SRRM1: variants seen among roughly 807,000 people sequenced by gnomAD.
SRRM1 encodes the protein serine and arginine repetitive matrix 1, also known as serine/arginine repetitive matrix protein 1.
In SRRM1, 19 loss-of-function variants were observed where a neutral mutation model predicts 110.2. That is an observed-to-expected ratio of 0.17 (90% CI 0.12 to 0.25). The LOEUF (loss-of-function observed/expected upper bound fraction) is 0.25, where lower values mean the gene tolerates loss of function less well. Ranked by LOEUF, SRRM1 falls within the 10% of genes least tolerant of loss-of-function variation. The pLI, the probability that SRRM1 is intolerant of heterozygous loss-of-function variation, is 1.00. For missense variants in SRRM1, 918 were observed against 1,145.8 expected, an observed-to-expected ratio of 0.80 and a Z score of 2.87; for synonymous variants, 443 against 414.9, an observed-to-expected ratio of 1.07 and a Z score of -0.82.
Position 24,646,725 on chromosome 1 carries a change from C to T in SRRM1, c.170C>T (p.Thr57Met). Residue 57 changes from threonine to methionine, a missense_variant, in exon 3 of 17, where the codon ACG becomes ATG. By Grantham distance (81) the Thr-to-Met change is moderately conservative. This residue lies in a region of SRRM1 where 38 missense variants were observed against 144.5 expected (regional missense o/e 0.26). Coordinates refer to ENST00000323848, the MANE Select transcript of SRRM1 (RefSeq NM_005839.4). Reference protein sequence around the residue: ...VIKPWITKRVTEILGFEDDVV... With the variant: ...VIKPWITKRVMEILGFEDDVV... ...AAGCCTTGGATAACAAAAAGAGTAA[C>T]GGAAATCCTTGGGTTTGAAGATGAT... 1.2e-6 allele frequency: 2 copies of T among 1,607,724 alleles called. No individual in the cohort carries two copies. Among genetic ancestry groups the T allele is most frequent in the Non-Finnish European group, 1.7e-6 (2 of 1,177,546 alleles).
At position 24,652,052 on chromosome 1, in the gene SRRM1, A is replaced by G. The variant is rs939624315; in HGVS notation, c.726-382A>G. Among the ~76,000 whole-genome samples, 48 of 132,362 alleles carry G rather than the reference A, an allele frequency of 3.6e-4. 1 individual carries two copies. Among genetic ancestry groups the G allele is most frequent in the African/African-American group, 1.4e-3 (48 of 35,266 alleles). The allele number at this position is 132,362 out of a possible 152,430, so 86.8% of individuals were successfully genotyped here. A position where few individuals can be genotyped will look rare whatever the true frequency, so the allele number is the denominator to read the frequency against. On this transcript the variant is annotated intron_variant, in intron 6 of 16. Transcript: ENST00000323848. ...AAAATATATATATATATATATATATATATATATATATGTACACACACACAC... is the reference window on the plus strand; with the variant it reads ...AAAATATATATATATATATATATATGTATATATATATGTACACACACACAC...
chr1:24,646,116 T>A (rs1305360167), intron 2 of SRRM1, 43 bp downstream of exon 2: 1 of 1,433,210 alleles, frequency 7.0e-7, no homozygotes, highest in Non-Finnish European at 9.8e-7. Flanking sequence ...TATAGCACAC[T>A]TACTTGACTC....
At position 24,661,377 on chromosome 1, in the gene SRRM1, A is replaced by G. The variant is rs761546402; in HGVS notation, c.1464A>G (p.Gln488=). 53 of 1,613,152 alleles carry G rather than the reference A, an allele frequency of 3.3e-5. No homozygotes were observed. The Middle Eastern group carries it at 8.2e-4, about 25-fold the overall frequency. ...SVQQRRQYRR[Q]NQQSSSDSGS... ...AGCAGAGACGCCAATACAGACGACA[A>G]AACCAGCAGTCTTCATCTGGTATGG... Residue 488 remains glutamine, a synonymous_variant, in exon 11 of 17, where the codon CAA becomes CAG. Coordinates refer to ENST00000323848, the MANE Select transcript of SRRM1 (RefSeq NM_005839.4).
chr1:24,669,075 T>G lies in SRRM1; in HGVS notation c.1740-48T>G, dbSNP rs142362558. 4.6e-6 allele frequency: 7 copies of G among 1,514,304 alleles called. No individual in the cohort carries two copies. In the East Asian group the frequency reaches 9.1e-5, roughly 20 times the overall value. The allele number at this position is 1,514,304 out of a possible 1,614,324, so 93.8% of individuals were successfully genotyped here. A position where few individuals can be genotyped will look rare whatever the true frequency, so the allele number is the denominator to read the frequency against. The stretch of plus-strand genomic sequence containing the variant: ...CCTACTGATTACTTTTCATCCTGTT[T>G]CTGTATTTTGTTGAGCCTTTCAGCT... On this transcript the variant is annotated intron_variant, in intron 13 of 16. Coordinates refer to ENST00000323848, the MANE Select transcript of SRRM1 (RefSeq NM_005839.4).
In SRRM1 at chr1:24,646,604, C is replaced by CT. The variant is rs766800193; in HGVS notation, c.112-62dup. 9.5e-4 allele frequency: 1,383 copies of CT among 1,452,954 alleles called. 22 individuals carry two copies. The Admixed American group carries it at 0.026, about 27-fold the overall frequency. 90.0% of individuals were successfully genotyped at this position (1,452,954 alleles called of 1,614,324 possible). ...AAAAGGAACTTTGGTAGACAGAACT[C>CT]TAACTTGAGCATTTTTTTTTAGGAT... On this transcript the variant is annotated intron_variant, in intron 2 of 16. Coordinates refer to ENST00000323848, the MANE Select transcript of SRRM1 (RefSeq NM_005839.4).
intron 3 of SRRM1, chr1:24,647,730 G>GTT (rs1337174767): frequency 2.0e-5 from 3 of 152,598 alleles, no homozygotes; most frequent in Non-Finnish European, 4.4e-5. Context: ...ATAATTTGGT[G>GTT]TTTGTATTTT....
chr1:24,666,912 C>T lies in SRRM1; in HGVS notation c.1726C>T (p.Pro576Ser). Residue 576 changes from proline (P) to serine (S), a missense_variant, in exon 13 of 17, where the codon CCA becomes TCA. By Grantham distance (74) the Pro-to-Ser change is moderately conservative (BLOSUM62 -1). Around this residue, in one of 5 missense-constraint regions of SRRM1, gnomAD observed 357 missense variants for 402.9 expected, o/e 0.89. Transcript: ENST00000323848. Reference sequence around the variant, plus strand: ...TCGACGGCGCAGGACTCCCACACCACCACCACGACGAAGGTACTTTGTCAA... The same window carrying T: ...TCGACGGCGCAGGACTCCCACACCATCACCACGACGAAGGTACTTTGTCAA... Reference protein sequence around the residue: ...PPRRRRTPTPPPRRRTPSPPP... With the variant: ...PPRRRRTPTPSPRRRTPSPPP... 1.9e-6 allele frequency: 3 copies of T among 1,605,704 alleles called. No individual in the cohort carries two copies. The highest frequency in any genetic ancestry group is 2.5e-6 in the Non-Finnish European group (3 of 1,177,246).
Position 24,653,028 on chromosome 1 carries a change from A to G in SRRM1, c.1036A>G (p.Arg346Gly), listed in dbSNP as rs1409963663. 4 of 1,610,982 alleles carry G rather than the reference A, an allele frequency of 2.5e-6. No individual in the cohort carries two copies. The highest frequency in any genetic ancestry group is 3.4e-6 in the Non-Finnish European group (4 of 1,178,894). Residue 346 changes from arginine to glycine, a missense_variant, in exon 8 of 17, where the codon AGA becomes GGA. Physicochemically the swap from Arg to Gly is moderately radical, Grantham distance 125 (BLOSUM62 -2). Transcript: ENST00000323848. ...PRHRRSRSPV[R>G]RRRRSSASLS... is the part of the protein sequence containing the mutation. ...GCATAGAAGGAGTAGATCTCCAGTA[A>G]GACGGTAAGATTTTTTAAATTTGGA...
chr1:24,652,458 T>G lies in SRRM1; in HGVS notation c.750T>G (p.Pro250=), dbSNP rs1418750610. The change falls in exon 7 of 17, where the codon CCT becomes CCG. Residue 250 remains proline (P), a synonymous_variant. Coordinates refer to ENST00000323848, the MANE Select transcript of SRRM1 (RefSeq NM_005839.4). ...STSDILKVPK[P]EPIPEPKEPS... is the part of the protein sequence containing the mutation. ...GTGACATTCTGAAAGTTCCCAAACCTGAACCTATACCAGAGCCTAAAGAAC... is the reference window on the plus strand; with the variant it reads ...GTGACATTCTGAAAGTTCCCAAACCGGAACCTATACCAGAGCCTAAAGAAC... The G allele has an allele frequency of 6.3e-7, 1 of 1,576,036 alleles. No homozygotes were observed. Among genetic ancestry groups the G allele is most frequent in the Non-Finnish European group, 8.6e-7 (1 of 1,163,410 alleles).
intron 3 of SRRM1, 110 bp downstream of exon 3, chr1:24,646,899 G>A (rs1204459244): frequency 1.1e-6 from 1 of 883,386 alleles, no homozygotes; most frequent in Non-Finnish European, 1.6e-6. Flanking sequence ...ATTTTACAAT[G>A]TTTGTTGTGA....
In SRRM1 at chr1:24,646,076, ATTC is replaced by A. The variant is rs770290755; in HGVS notation, c.111+8_111+10del. On this transcript the variant is annotated splice_donor_5th_base_variant and intron_variant, in intron 2 of 16. Coordinates refer to ENST00000323848, the MANE Select transcript of SRRM1 (RefSeq NM_005839.4). ...TTGCAGAATGCCTAGAAAAAAAGGT[ATTC>A]TTCTGGATGAGACTGTTGTGCATCT... 4.4e-6 allele frequency: 7 copies of A among 1,606,926 alleles called. No individual in the cohort carries two copies. The East Asian group carries it at 8.9e-5, about 20-fold the overall frequency.
At chr1:24,670,034 C>A in intron 14 of SRRM1, 86 bp from the exon 15 acceptor site, 1 of 1,187,994 alleles carries the variant, frequency 8.4e-7, no homozygotes, top group Non-Finnish European at 1.2e-6. Flanking sequence ...AAATTCATAA[C>A]CTGGTTGTAC....
chr1:24,662,966 A>G, intron 12 of SRRM1, 162 bp downstream of exon 12: 1 of 1,034,144 alleles, frequency 9.7e-7, no homozygotes, highest in Non-Finnish European at 1.4e-6. Context: ...TTTTTGCTTT[A>G]TTGGTGGTTA....
intron 14 of SRRM1, 185 bp downstream of exon 14, chr1:24,669,772 C>T: frequency 1.6e-6 from 1 of 613,792 alleles, no homozygotes. Flanking sequence ...TTAAATGCCA[C>T]AGGCTTTTAC....
At chr1:24,649,245 A>G (rs1659174629) in intron 4 of SRRM1, among the ~76,000 whole-genome samples, 1 of 152,190 alleles carries the variant, frequency 6.6e-6, no homozygotes, top group South Asian at 2.1e-4. Context: ...AGATTTTTAC[A>G]AATTCTTAAT....
In SRRM1 at chr1:24,643,477, G is replaced by A. The variant is rs774969870; in HGVS notation, c.21+130G>A. 638 of 668,848 alleles carry A rather than the reference G, an allele frequency of 9.5e-4. 3 individuals carry two copies. Among genetic ancestry groups the A allele is most frequent in the Admixed American group, 2.8e-3 (61 of 21,510 alleles). 41.4% of individuals were successfully genotyped at this position (668,848 alleles called of 1,614,324 possible). ...GATCTTAAGGATTCCTCCTAGAGCCGGCGCACCCCCCCCCCCCCCGTGCGC... is the reference window on the plus strand; with the variant it reads ...GATCTTAAGGATTCCTCCTAGAGCCAGCGCACCCCCCCCCCCCCCGTGCGC... On this transcript the variant is annotated intron_variant, in intron 1 of 16. Coordinates refer to ENST00000323848, the MANE Select transcript of SRRM1 (RefSeq NM_005839.4).
chr1:24,666,757 G>A (rs957196322), intron 12 of SRRM1, 58 bp from the exon 13 acceptor site: 6 of 1,357,570 alleles, frequency 4.4e-6, no homozygotes, highest in South Asian at 1.2e-5. Flanking sequence ...AGAGTGAGAC[G>A]CCATCACACA....
intron 4 of SRRM1, 113 bp from the exon 5 acceptor site, chr1:24,649,858 A>G (rs747961227): frequency 1.2e-4 from 109 of 941,342 alleles, no homozygotes; most frequent in Non-Finnish European, 1.5e-4. Context: ...CTGGTTCAAA[A>G]GAAGAGGCCG....
At position 24,662,822 on chromosome 1, in the gene SRRM1, G is replaced by A. The variant is rs773925046; in HGVS notation, c.1628+18G>A. The A allele has an allele frequency of 6.2e-6, 10 of 1,613,754 alleles. No individual in the cohort carries two copies. Among genetic ancestry groups the A allele is most frequent in the Non-Finnish European group, 6.8e-6 (8 of 1,179,744 alleles). On this transcript the variant is annotated intron_variant, in intron 12 of 16. Coordinates refer to ENST00000323848, the MANE Select transcript of SRRM1 (RefSeq NM_005839.4). ...TCCCCTCGGTAACATCTTTGCTTCA[G>A]TGATGTTCACTGATGTTCTGTAATT...
Sources: gnomAD v4.1 joint callset for allele counts (sites outside exome capture counted in the v4.1 genomes callset) on GRCh38, gnomAD v4.1.1 for gene constraint, gnomAD v4.1.1 regional missense constraint, MANE v1.5 for transcripts, NCBI Gene and HGNC (gene_info 2026-07-23, HGNC 2026-07-21) for gene names.